The following CNTNAP2 variants were observed in gnomAD, a reference collection of about 807,000 sequenced individuals.
CNTNAP2 encodes the protein contactin associated protein 2.
In CNTNAP2, 98 loss-of-function variants were observed where a neutral mutation model predicts 155.2. The observed-to-expected ratio is 0.63, with a 90% CI of 0.54 to 0.75. The LOEUF (loss-of-function observed/expected upper bound fraction) is 0.75, where lower values mean the gene tolerates loss of function less well. Ranked by LOEUF, CNTNAP2 falls within the 30% of genes least tolerant of loss-of-function variation. CNTNAP2 has a pLI of 0.00. For synonymous variants in CNTNAP2, 651 were observed against 631.2 expected (o/e 1.03, Z -0.47); for missense variants, 1,727 against 1,688.1 (o/e 1.02, Z -0.40).
chr7:147,338,820 A>T (rs1489321757), intron 9 of CNTNAP2, among the ~76,000 whole-genome samples: 1 of 151,952 alleles, frequency 6.6e-6, no homozygotes, highest in African/African-American at 2.4e-5. Context: ...GTGTATGTAG[A>T]TATATAAAAA....
intron 1 of CNTNAP2, among the ~76,000 whole-genome samples, chr7:146,168,937 A>G (rs1000934654): frequency 2.0e-5 from 3 of 152,106 alleles, no homozygotes; most frequent in African/African-American, 4.8e-5. Context: ...CTCTTCCCTC[A>G]TAACCTACTA....
At chr7:146,845,394 T>A (rs1057254611) in intron 3 of CNTNAP2, among the ~76,000 whole-genome samples, 1 of 152,324 alleles carries the variant, frequency 6.6e-6, no homozygotes, top group South Asian at 2.1e-4. Context: ...AGATCTGACT[T>A]TATTTCTCTG....
intron 3 of CNTNAP2, among the ~76,000 whole-genome samples, chr7:146,916,849 C>G (rs1198073600): frequency 2.0e-5 from 3 of 151,892 alleles, no homozygotes; most frequent in African/African-American, 7.3e-5. Context: ...TATTTCTTTT[C>G]TTCTGCTGAG....
At chr7:147,557,388 A>G (rs1285786436) in intron 11 of CNTNAP2, among the ~76,000 whole-genome samples, 3 of 152,162 alleles carry the variant, frequency 2.0e-5, no homozygotes, top group Non-Finnish European at 4.4e-5. Context: ...ATAGCATGAG[A>G]ACTTTTACTT....
chr7:148,382,740 G>A (rs1799095306), intron 21 of CNTNAP2, among the ~76,000 whole-genome samples: 1 of 152,188 alleles, frequency 6.6e-6, no homozygotes, highest in East Asian at 1.9e-4. Flanking sequence ...CAGTGCTGCC[G>A]CTGGAATTAT....
chr7:147,886,606 A>G (rs1585010964), intron 13 of CNTNAP2, among the ~76,000 whole-genome samples: 1 of 150,330 alleles, frequency 6.7e-6, no homozygotes, highest in Non-Finnish European at 1.5e-5. Flanking sequence ...CCAGGGTGCT[A>G]CTGGCATTTG....
At chr7:147,421,936 C>T (rs1278372999) in intron 10 of CNTNAP2, among the ~76,000 whole-genome samples, 1 of 151,870 alleles carries the variant, frequency 6.6e-6, no homozygotes, top group Non-Finnish European at 1.5e-5. Context: ...TCCTTGAAAC[C>T]TCCCCAGAAG....
At chr7:147,656,898 C>T (rs77716108) in intron 13 of CNTNAP2, among the ~76,000 whole-genome samples, 14,410 of 152,174 alleles carry the variant, frequency 0.095, 907 homozygotes, top group Admixed American at 0.21. Flanking sequence ...TATCTGAAGT[C>T]ACCCAATGGA....
intron 21 of CNTNAP2, among the ~76,000 whole-genome samples, chr7:148,297,566 G>GT (rs577520380): frequency 6.0e-4 from 92 of 152,224 alleles, no homozygotes; most frequent in African/African-American, 2.2e-3. Flanking sequence ...GTGCTATTCG[G>GT]TTTTCAGTAG....
intron 1 of CNTNAP2, chr7:146,311,924 G>T (rs1425658997): frequency 6.6e-6 from 1 of 151,922 alleles, no homozygotes; most frequent in Non-Finnish European, 1.5e-5. Context: ...GAAGACAGAG[G>T]AAGGACAATC....
At chr7:148,086,086 G>C (rs896654076) in intron 15 of CNTNAP2, among the ~76,000 whole-genome samples, 7 of 152,116 alleles carry the variant, frequency 4.6e-5, no homozygotes, top group African/African-American at 1.7e-4. Flanking sequence ...ATACACAGAA[G>C]AAAAAGGAGT....
intron 8 of CNTNAP2, among the ~76,000 whole-genome samples, chr7:147,162,329 A>G (rs925782750): frequency 3.9e-5 from 6 of 152,188 alleles, no homozygotes; most frequent in Admixed American, 3.9e-4. Context: ...TTGTCTTTTA[A>G]CTATTATTAT....
intron 1 of CNTNAP2, among the ~76,000 whole-genome samples, chr7:146,395,479 G>C (rs1489171746): frequency 1.3e-5 from 2 of 152,208 alleles, no homozygotes; most frequent in South Asian, 2.1e-4. Context: ...CCCTATTCAG[G>C]ATGGGGGTAG....
At chr7:146,885,440 C>T (rs1795636328) in intron 3 of CNTNAP2, among the ~76,000 whole-genome samples, 1 of 152,016 alleles carries the variant, frequency 6.6e-6, no homozygotes, top group Non-Finnish European at 1.5e-5. Context: ...GGGATTTAAA[C>T]AGTGTTAGGA....
intron 1 of CNTNAP2, among the ~76,000 whole-genome samples, chr7:146,581,141 G>A (rs1198685582): frequency 6.6e-6 from 1 of 151,978 alleles, no homozygotes; most frequent in East Asian, 1.9e-4. Context: ...CAAAACATAC[G>A]GACCCAAGAA....
At chr7:147,537,875 A>AT (rs1799574619) in intron 11 of CNTNAP2, among the ~76,000 whole-genome samples, 1 of 152,188 alleles carries the variant, frequency 6.6e-6, no homozygotes, top group East Asian at 1.9e-4. Context: ...AGTTTTGTGC[A>AT]TTTTTCCTTA....
At chr7:148,034,304 A>G (rs575234209) in intron 15 of CNTNAP2, among the ~76,000 whole-genome samples, 1 of 152,278 alleles carries the variant, frequency 6.6e-6, no homozygotes, top group Admixed American at 6.5e-5. Flanking sequence ...CTATGGTTTA[A>G]TTGTTCCCCC....
At chr7:146,520,851 T>G (rs1584961631) in intron 1 of CNTNAP2, among the ~76,000 whole-genome samples, 1 of 152,058 alleles carries the variant, frequency 6.6e-6, no homozygotes, top group African/African-American at 2.4e-5. Flanking sequence ...CCCTCCTACA[T>G]TAATGTAAAA....
intron 13 of CNTNAP2, among the ~76,000 whole-genome samples, chr7:147,766,996 T>C (rs1797391922): frequency 6.6e-6 from 1 of 152,112 alleles, no homozygotes; most frequent in South Asian, 2.1e-4. Flanking sequence ...AAATCATCAA[T>C]ATATTGTACC....
Sources: gnomAD v4.1 joint callset for allele counts (sites outside exome capture counted in the v4.1 genomes callset) on GRCh38, gnomAD v4.1.1 for gene constraint, MANE v1.5 for transcripts, NCBI Gene and HGNC (gene_info 2026-07-23, HGNC 2026-07-21) for gene names.